The following COG5 variants were observed in gnomAD, a reference collection of about 807,000 sequenced individuals.
COG5 encodes conserved oligomeric Golgi complex subunit 5.
A neutral mutation model predicts 110.4 loss-of-function variants in COG5; 86 were observed. The observed-to-expected ratio is 0.78, with a 90% CI of 0.65 to 0.93. COG5 has a LOEUF of 0.93. COG5 is among the 40% of genes least tolerant of loss of function. The pLI, the probability that COG5 is intolerant of heterozygous loss-of-function variation, is 0.00. For missense variants in COG5, 1,077 were observed against 987.0 expected (o/e 1.09, Z -1.22); for synonymous variants, 360 against 334.6 (o/e 1.08, Z -0.83).
chr7:107,375,548 T>C (rs1317957231), intron 7 of COG5, among the ~76,000 whole-genome samples: 1 of 152,062 alleles, frequency 6.6e-6, no homozygotes, highest in Admixed American at 6.6e-5. Flanking sequence ...CTGGCTATTA[T>C]TTTGAGTGAG....
At chr7:107,280,715 AG>A (rs1227840574) in intron 14 of COG5, among the ~76,000 whole-genome samples, 1 of 152,076 alleles carries the variant, frequency 6.6e-6, no homozygotes, top group African/African-American at 2.4e-5. Flanking sequence ...TATAGAATTA[AG>A]ATTATGATTC....
In COG5 at chr7:107,203,499, A is replaced by G. The variant is rs2116083255; in HGVS notation, c.*17T>C. On this transcript the variant is annotated 3_prime_UTR_variant, in exon 22 of 22. Coordinates refer to ENST00000297135, the MANE Select transcript of COG5 (RefSeq NM_006348.5). The stretch of plus-strand genomic sequence containing the variant: ...ATGGGTTAGCACAAAGTGGAGATGA[A>G]CAAAGATTTCATGTCATTACTGAAG... 6.4e-7 allele frequency: 1 copy of G among 1,566,888 alleles called. No homozygotes were observed. Among genetic ancestry groups the G allele is most frequent in the Non-Finnish European group, 8.8e-7 (1 of 1,136,898 alleles).
chr7:107,354,434 T>A (rs1812448724), intron 10 of COG5, among the ~76,000 whole-genome samples: 1 of 152,206 alleles, frequency 6.6e-6, no homozygotes, highest in Non-Finnish European at 1.5e-5. Context: ...ATCCCAGCAC[T>A]TTGGGAAGCC....
chr7:107,533,307 TG>T (rs1253223177), intron 5 of COG5, among the ~76,000 whole-genome samples: 1 of 151,394 alleles, frequency 6.6e-6, no homozygotes, highest in East Asian at 1.9e-4. Context: ...CAAAAGTGGA[TG>T]GGGAATCAGT....
rs114644888 is a variant in COG5 at position 107,499,131 on chromosome 7, G to A, written c.538+28106C>T. ...GGAAGCGAATAATGGAATTGTGGCT[G>A]CCAGGGGCTGGGGGAGAGGAAGAAA... On this transcript the variant is annotated intron_variant, in intron 6 of 21. Coordinates refer to ENST00000297135, the MANE Select transcript of COG5 (RefSeq NM_006348.5). Among the ~76,000 whole-genome samples the A allele has an allele frequency of 1.1e-3, 169 of 152,246 alleles. 1 individual carries two copies. Among genetic ancestry groups the A allele is most frequent in the African/African-American group, 3.9e-3 (161 of 41,568 alleles).
chr7:107,222,018 G>T (rs1044571726), intron 19 of COG5, among the ~76,000 whole-genome samples: 1 of 152,146 alleles, frequency 6.6e-6, no homozygotes, highest in African/African-American at 2.4e-5. Flanking sequence ...AAGAAGGGCA[G>T]AAGGGGAAGG....
chr7:107,413,910 T>C (rs1174921856), intron 6 of COG5, among the ~76,000 whole-genome samples: 8 of 152,212 alleles, frequency 5.3e-5, no homozygotes, highest in Admixed American at 4.6e-4. Context: ...ATCCGAAGAA[T>C]CTAAGTAATC....
chr7:107,509,308 C>G (rs919233855), intron 6 of COG5, among the ~76,000 whole-genome samples: 2 of 151,428 alleles, frequency 1.3e-5, no homozygotes, highest in Non-Finnish European at 1.5e-5. Flanking sequence ...TGATGGAAGA[C>G]GAAATGAATG....
In COG5 at chr7:107,362,060, G is replaced by A; in HGVS notation, c.999C>T (p.His333=). 1 of 1,607,596 alleles carries A rather than the reference G, an allele frequency of 6.2e-7. No homozygotes were observed. The highest frequency in any genetic ancestry group is 8.5e-7 in the Non-Finnish European group (1 of 1,174,894). Residue 333 remains histidine (H), a synonymous_variant, in exon 10 of 22, where the codon CAC becomes CAT. Coordinates refer to ENST00000297135, the MANE Select transcript of COG5 (RefSeq NM_006348.5). ...TAACTATTTCTTCAATGAAACAAATGTGAGAAACAGGATCTCTCTTCTTGG... is the reference window on the plus strand; with the variant it reads ...TAACTATTTCTTCAATGAAACAAATATGAGAAACAGGATCTCTCTTCTTGG... ...VLAKKRDPVS[H]ICFIEEIVKD...
At chr7:107,524,415 T>C (rs1036811597) in intron 6 of COG5, among the ~76,000 whole-genome samples, 1 of 152,232 alleles carries the variant, frequency 6.6e-6, no homozygotes, top group Non-Finnish European at 1.5e-5. Context: ...CAAGGGTCTA[T>C]GGTATAAACA....
chr7:107,272,863 A>G (rs1340908906), intron 14 of COG5, among the ~76,000 whole-genome samples: 2 of 152,230 alleles, frequency 1.3e-5, no homozygotes. Context: ...TGAGTTGAGT[A>G]AAAGCTGCTC....
intron 7 of COG5, among the ~76,000 whole-genome samples, chr7:107,380,697 C>G (rs1815042206): frequency 6.6e-6 from 1 of 152,120 alleles, no homozygotes; most frequent in African/African-American, 2.4e-5. Context: ...AGCCCAGGAC[C>G]AGACAAATTC....
intron 6 of COG5, among the ~76,000 whole-genome samples, chr7:107,510,985 C>A (rs1052691994): frequency 6.6e-6 from 1 of 152,010 alleles, no homozygotes; most frequent in East Asian, 1.9e-4. Flanking sequence ...ATTAAAAGAA[C>A]TAGAAAAGCA....
chr7:107,457,990 A>C (rs1795769062), intron 6 of COG5, among the ~76,000 whole-genome samples: 1 of 152,216 alleles, frequency 6.6e-6, no homozygotes, highest in Non-Finnish European at 1.5e-5. Flanking sequence ...AGGAACTCTT[A>C]AAAGAAGCTA....
At chr7:107,554,714 T>C (rs760814603) in intron 2 of COG5, among the ~76,000 whole-genome samples, 1 of 152,188 alleles carries the variant, frequency 6.6e-6, no homozygotes, top group Non-Finnish European at 1.5e-5. Flanking sequence ...AACCCATTCC[T>C]TACAGATGGT....
At chr7:107,282,458 C>G (rs1035973254) in intron 13 of COG5, among the ~76,000 whole-genome samples, 2 of 152,140 alleles carry the variant, frequency 1.3e-5, no homozygotes, top group African/African-American at 4.8e-5. Flanking sequence ...GCTGGGCAAT[C>G]TAGACAATTT....
At chr7:107,281,931 A>C (rs1029749249) in intron 13 of COG5, among the ~76,000 whole-genome samples, 27 of 152,074 alleles carry the variant, frequency 1.8e-4, no homozygotes, top group African/African-American at 4.6e-4. Context: ...AATTTTTAAA[A>C]TTCGGATTCT....
intron 12 of COG5, 64 bp downstream of exon 12, chr7:107,298,078 G>C: frequency 2.8e-6 from 2 of 726,050 alleles, no homozygotes; most frequent in Non-Finnish European, 4.1e-6. Flanking sequence ...AAAAATAAAA[G>C]ATAAAATTTA....
At chr7:107,563,116 A>G (rs2129183281) in intron 1 of COG5, among the ~76,000 whole-genome samples, 1 of 152,298 alleles carries the variant, frequency 6.6e-6, no homozygotes, top group South Asian at 2.1e-4. Flanking sequence ...AACTGGATTG[A>G]CACAACTGAA....
Sources: allele counts gnomAD v4.1 joint callset (sites outside exome capture counted in the v4.1 genomes callset), GRCh38; gene constraint gnomAD v4.1.1; transcripts MANE v1.5; gene names NCBI Gene and HGNC (gene_info 2026-07-23, HGNC 2026-07-21).